Variants in SCHIP1 observed in about 807,000 individuals in gnomAD.
SCHIP1 encodes the protein schwannomin-interacting protein 1.
In SCHIP1, 8 loss-of-function variants were observed where a neutral mutation model predicts 29.7. The observed-to-expected ratio is 0.27, with a 90% CI of 0.16 to 0.49. The LOEUF (loss-of-function observed/expected upper bound fraction) is 0.49. Among genes scored for constraint, SCHIP1 ranks in the 20% least tolerant of loss-of-function variants. The pLI, the probability that SCHIP1 is intolerant of heterozygous loss-of-function variation, is 0.99. For missense variants in SCHIP1, 193 were observed against 294.6 expected, an observed-to-expected ratio of 0.66 and a Z score of 2.52; for synonymous variants, 76 against 94.9, an observed-to-expected ratio of 0.80 and a Z score of 1.16.
At chr3:159,466,705 G>A in the SCHIP1 span, among the ~76,000 whole-genome samples, 1 of 152,158 alleles carries the variant, frequency 6.6e-6, no homozygotes, top group Non-Finnish European at 1.5e-5. Flanking sequence ...AAAAAATGGT[G>A]TGGGATTTGA....
chr3:159,862,936 A>G (rs1209369984), intron 1 of SCHIP1, among the ~76,000 whole-genome samples: 1 of 152,184 alleles, frequency 6.6e-6, no homozygotes, highest in Non-Finnish European at 1.5e-5. Flanking sequence ...CAATGTGACA[A>G]AATGTGTCAA....
chr3:159,511,056 G>T, the SCHIP1 span, among the ~76,000 whole-genome samples: 18 of 152,240 alleles, frequency 1.2e-4, no homozygotes, highest in Non-Finnish European at 1.5e-5. Context: ...GCTATGCCCT[G>T]CCCCCAGAGG....
the SCHIP1 span, among the ~76,000 whole-genome samples, chr3:159,804,821 T>C: frequency 6.6e-5 from 10 of 152,266 alleles, no homozygotes; most frequent in Admixed American, 6.5e-4. Flanking sequence ...TTTTTTTTCT[T>C]TAAACTTCTC....
the SCHIP1 span, among the ~76,000 whole-genome samples, chr3:159,332,587 G>A: frequency 2.0e-5 from 3 of 152,102 alleles, no homozygotes; most frequent in African/African-American, 7.2e-5. Context: ...AGGAATATGA[G>A]CCCTGCAAGG....
At chr3:159,585,396 C>G in the SCHIP1 span, among the ~76,000 whole-genome samples, 1 of 152,138 alleles carries the variant, frequency 6.6e-6, no homozygotes, top group Non-Finnish European at 1.5e-5. Context: ...AGATTCGTTT[C>G]TTAGAGCCAA....
the SCHIP1 span, among the ~76,000 whole-genome samples, chr3:159,288,261 G>C: frequency 6.6e-6 from 1 of 152,266 alleles, no homozygotes; most frequent in Non-Finnish European, 1.5e-5. Context: ...GTTACTTTTA[G>C]CAATATAATT....
the SCHIP1 span, among the ~76,000 whole-genome samples, chr3:159,385,865 G>A: frequency 6.6e-6 from 1 of 151,946 alleles, no homozygotes; most frequent in Non-Finnish European, 1.5e-5. Flanking sequence ...CCCCTGACAG[G>A]CCCCGGTGTG....
At chr3:159,384,844 GTA>G in the SCHIP1 span, among the ~76,000 whole-genome samples, 1 of 152,166 alleles carries the variant, frequency 6.6e-6, no homozygotes, top group East Asian at 1.9e-4. Context: ...TTGGGAGGGT[GTA>G]TTTGTCAAGG....
At chr3:159,636,207 C>G in the SCHIP1 span, among the ~76,000 whole-genome samples, 1 of 152,104 alleles carries the variant, frequency 6.6e-6, no homozygotes, top group African/African-American at 2.4e-5. Flanking sequence ...GCCACCATGC[C>G]CGGCTAATTT....
the SCHIP1 span, among the ~76,000 whole-genome samples, chr3:159,331,863 A>G: frequency 6.6e-6 from 1 of 152,166 alleles, no homozygotes; most frequent in Non-Finnish European, 1.5e-5. Context: ...ATGATAGCAC[A>G]GGGTACTGCA....
the SCHIP1 span, among the ~76,000 whole-genome samples, chr3:159,320,819 C>A: frequency 1.3e-5 from 2 of 150,828 alleles, no homozygotes; most frequent in Admixed American, 1.3e-4. Context: ...AGCCATGTGG[C>A]CTTTGGAAAT....
chr3:159,817,787 GT>G, the SCHIP1 span, among the ~76,000 whole-genome samples: 1 of 152,096 alleles, frequency 6.6e-6, no homozygotes. Flanking sequence ...TATTCTTACT[GT>G]GTGCAAGACC....
At chr3:159,606,686 G>A in the SCHIP1 span, among the ~76,000 whole-genome samples, 1 of 152,146 alleles carries the variant, frequency 6.6e-6, no homozygotes, top group Non-Finnish European at 1.5e-5. Context: ...GGAGGAAGCA[G>A]GCTAGCCAGG....
chr3:159,771,478 A>AT, the SCHIP1 span, among the ~76,000 whole-genome samples: 2 of 151,914 alleles, frequency 1.3e-5, no homozygotes, highest in East Asian at 3.9e-4. Flanking sequence ...CAGTGTTAAA[A>AT]TTTTTTTTTC....
the SCHIP1 span, among the ~76,000 whole-genome samples, chr3:159,468,378 C>G: frequency 6.6e-6 from 1 of 151,972 alleles, no homozygotes; most frequent in Non-Finnish European, 1.5e-5. Flanking sequence ...AGATAAACAG[C>G]AGGTTTTTCT....
chr3:159,281,487 A>G, the SCHIP1 span, among the ~76,000 whole-genome samples: 1 of 152,218 alleles, frequency 6.6e-6, no homozygotes, highest in Non-Finnish European at 1.5e-5. Context: ...CAAGAGCTAA[A>G]AAGTATAGTT....
chr3:159,786,838 T>C, the SCHIP1 span, among the ~76,000 whole-genome samples: 3 of 152,004 alleles, frequency 2.0e-5, no homozygotes, highest in African/African-American at 7.2e-5. Context: ...GGGGCCTCAG[T>C]TTACAAGACA....
the SCHIP1 span, among the ~76,000 whole-genome samples, chr3:159,349,634 C>T: frequency 1.1e-4 from 16 of 152,178 alleles, no homozygotes; most frequent in Non-Finnish European, 1.5e-4. Flanking sequence ...TACTAATCTG[C>T]CCAAACTTTA....
chr3:159,731,969 C>T, the SCHIP1 span, among the ~76,000 whole-genome samples: 11 of 152,118 alleles, frequency 7.2e-5, no homozygotes, highest in African/African-American at 2.7e-4. Flanking sequence ...GTCTCAGCCT[C>T]CTGAGTAGCT....
Sources: gnomAD v4.1 joint callset for allele counts (sites outside exome capture counted in the v4.1 genomes callset) on GRCh38, gnomAD v4.1.1 for gene constraint, MANE v1.5 for transcripts, NCBI Gene and HGNC (gene_info 2026-07-23, HGNC 2026-07-21) for gene names.